The following ABCA7 variants were observed in gnomAD, a reference collection of about 807,000 sequenced individuals.
ABCA7 encodes the protein ATP binding cassette subfamily A member 7.
ABCA7 carries 261 observed loss-of-function variants against 227.6 expected under a neutral mutation model. That is an observed-to-expected ratio of 1.15 (90% confidence interval 1.04 to 1.27). The LOEUF is 1.27. ABCA7 is among the 50% of genes most tolerant of loss of function. The probability of loss-of-function intolerance (pLI) is 0.00; values close to 1 mark genes in which losing one functional copy is unlikely to be tolerated. For missense variants in ABCA7, 3,331 were observed against 2,924.5 expected (o/e 1.14, Z -3.21); for synonymous variants, 1,488 against 1,279.7 (o/e 1.16, Z -3.47).
In ABCA7 at chr19:1,048,965, CA is replaced by C; in HGVS notation, c.2342del (p.Lys781ArgfsTer16). The C allele has an allele frequency of 6.2e-7, 1 of 1,608,914 alleles. No individual in the cohort carries two copies. The highest frequency in any genetic ancestry group is 8.5e-7 in the Non-Finnish European group (1 of 1,178,148). Reference sequence around the variant, plus strand: ...GCTACTGGTGCGGACCTCGGCCCCCCAAGAGTCCAGCCCCTTGCCCCACCCC... The same window carrying C: ...GCTACTGGTGCGGACCTCGGCCCCCCAGAGTCCAGCCCCTTGCCCCACCCC... ...RSYWCGPRPP[K>X]SPAPCPTPLD... On this transcript the variant is annotated frameshift_variant, in exon 17 of 47. Coordinates refer to ENST00000263094, the MANE Select transcript of ABCA7 (RefSeq NM_019112.4). LOFTEE classifies it high-confidence loss of function.
chr19:1,049,385 G>A lies in ABCA7; in HGVS notation c.2500G>A (p.Gly834Ser), dbSNP rs1286079840. ...GGGGCTCAGCCTGGACTTCTACCAGGGCCACATCACCGCCTTCCTGGGCCA... is the reference window on the plus strand; with the variant it reads ...GGGGCTCAGCCTGGACTTCTACCAGAGCCACATCACCGCCTTCCTGGGCCA... ...LRGLSLDFYQ[G>S]HITAFLGHNG... The change falls in exon 18 of 47, where the codon GGC becomes AGC. Residue 834 changes from glycine (G) to serine (S), a missense_variant. Gly to Ser is a moderately conservative substitution (Grantham distance 56). Transcript: ENST00000263094. The A allele has an allele frequency of 2.5e-6, 4 of 1,610,840 alleles. No individual in the cohort carries two copies. In the South Asian group the frequency reaches 4.4e-5, roughly 18 times the overall value.
chr19:1,044,883 G>A lies in ABCA7; in HGVS notation c.1216-119G>A, dbSNP rs2040456139. 3 of 1,470,910 alleles carry A rather than the reference G, an allele frequency of 2.0e-6. No homozygotes were observed. In the South Asian group the frequency reaches 3.9e-5, roughly 19 times the overall value. The allele number at this position is 1,470,910 out of a possible 1,614,324, so 91.1% of individuals were successfully genotyped here. On this transcript the variant is annotated intron_variant, in intron 11 of 46. Coordinates refer to ENST00000263094, the MANE Select transcript of ABCA7 (RefSeq NM_019112.4). ...GGATTTGTAGAGATCTCAGGAGGGAGCCGGCCGTGGGCCTACGAGGGGAAA... is the reference window on the plus strand; with the variant it reads ...GGATTTGTAGAGATCTCAGGAGGGAACCGGCCGTGGGCCTACGAGGGGAAA...
In ABCA7 at chr19:1,061,818, A is replaced by G. The variant is rs759823999; in HGVS notation, c.5500A>G (p.Thr1834Ala). 2.9e-5 allele frequency: 46 copies of G among 1,611,036 alleles called. No homozygotes were observed. Among genetic ancestry groups the G allele is most frequent in the East Asian group, 1.3e-4 (6 of 44,770 alleles). The stretch of plus-strand genomic sequence containing the variant: ...GCTGGGTGTGAATGGAGCAGGGAAG[A>G]CGTCCACGTTTCGCATGGTGACGGG... ...GLLGVNGAGK[T>A]STFRMVTGDT... is the part of the protein sequence containing the mutation. Residue 1834 changes from threonine to alanine, a missense_variant, in exon 41 of 47, where the codon ACG becomes GCG. Coordinates refer to ENST00000263094, the MANE Select transcript of ABCA7 (RefSeq NM_019112.4).
chr19:1,050,934 G>A lies in ABCA7; in HGVS notation c.2566G>A (p.Gly856Ser). 1 of 1,608,238 alleles carries A rather than the reference G, an allele frequency of 6.2e-7. No homozygotes were observed. The highest frequency in any genetic ancestry group is 1.3e-5 in the African/African-American group (1 of 74,928). The change falls in exon 19 of 47, where the codon GGC (glycine) becomes AGC (serine). Residue 856 changes from glycine (G) to serine (S), a missense_variant. Coordinates refer to ENST00000263094, the MANE Select transcript of ABCA7 (RefSeq NM_019112.4). The part of the protein sequence containing the change: ...GKTTTLSILS[G>S]LFPPSGGSAF... The stretch of plus-strand genomic sequence containing the variant: ...CTCTATCCACAGGTCCATCTTGAGT[G>A]GCCTCTTCCCACCCAGTGGTGGCTC...
At chr19:1,041,465 G>GCAGC (rs1174117032) in intron 2 of ABCA7, 38 bp downstream of exon 2, 2 of 1,613,510 alleles carry the variant, frequency 1.2e-6, no homozygotes, top group Admixed American at 3.3e-5. Context: ...GGGTGGGCAG[G>GCAGC]CAGCCCCCAC....
chr19:1,059,776 A>G (rs10403094), intron 40 of ABCA7, among the ~76,000 whole-genome samples: 16,275 of 151,380 alleles, frequency 0.11, 1,367 homozygotes, highest in African/African-American at 0.24. Flanking sequence ...ATTAGCCAGG[A>G]TGGTCTCGAT....
Position 1,054,561 on chromosome 19 carries a change from G to A in ABCA7, c.3727-9G>A. On this transcript the variant is annotated splice_polypyrimidine_tract_variant and intron_variant, in intron 27 of 46. Transcript: ENST00000263094. The surrounding 1 kb of genome is among the most constrained non-coding windows in gnomAD (Gnocchi z 4.8). The stretch of plus-strand genomic sequence containing the variant: ...GATGGAAGCAGCAGCTGATGGGCTG[G>A]TCCCCCAGATCGTGCTGCCTGCCCT... The A allele has an allele frequency of 6.2e-7, 1 of 1,606,904 alleles. No individual in the cohort carries two copies. The highest frequency in any genetic ancestry group is 1.1e-5 in the South Asian group (1 of 90,926).
intron 12 of ABCA7, 52 bp downstream of exon 12, chr19:1,045,283 G>C: frequency 1.3e-6 from 2 of 1,492,712 alleles, no homozygotes; most frequent in Non-Finnish European, 9.1e-7. Context: ...GGCCAAGAGC[G>C]TGGTGGGTGG....
Position 1,049,349 on chromosome 19 carries a change from C to A in ABCA7, c.2464C>A (p.Pro822Thr). Residue 822 changes from proline to threonine, a missense_variant, in exon 18 of 47, where the codon CCA becomes ACA. Transcript: ENST00000263094. ...LEKRFPGSPQ[P>T]ALRGLSLDFY... is the part of the protein sequence containing the mutation. Reference sequence around the variant, plus strand: ...GAAGCGCTTTCCTGGAAGCCCGCAGCCAGCCCTGCGGGGGCTCAGCCTGGA... The same window carrying A: ...GAAGCGCTTTCCTGGAAGCCCGCAGACAGCCCTGCGGGGGCTCAGCCTGGA... 6.2e-7 allele frequency: 1 copy of A among 1,611,612 alleles called. No individual in the cohort carries two copies. The highest frequency in any genetic ancestry group is 8.5e-7 in the Non-Finnish European group (1 of 1,179,248).
chr19:1,055,163 G>A lies in ABCA7; in HGVS notation c.4017G>A (p.Glu1339=). 1 of 1,612,764 alleles carries A rather than the reference G, an allele frequency of 6.2e-7. No individual in the cohort carries two copies. The highest frequency in any genetic ancestry group is 1.3e-5 in the African/African-American group (1 of 75,054). ...KVLASGNWTP[E]SPSPACQCSR... ...TGGCCAGTGGCAACTGGACCCCAGA[G>A]TCTCCATCCCCAGCCTGCCAGTGTA... is the stretch of plus-strand genomic sequence containing the variant. The change falls in exon 30 of 47, where the codon GAG becomes GAA. Residue 1339 remains glutamate, a synonymous_variant. Transcript: ENST00000263094.
intron 37 of ABCA7, 100 bp downstream of exon 37, chr19:1,058,369 G>A (rs2042428859): frequency 2.6e-6 from 4 of 1,515,374 alleles, no homozygotes; most frequent in South Asian, 1.3e-5. Flanking sequence ...GCCCCCCAGG[G>A]AGACAGCCAG....
At chr19:1,049,475 A>ACCG (rs1239887497) in intron 18 of ABCA7, 38 bp downstream of exon 18, 5 of 391,964 alleles carry the variant, frequency 1.3e-5, no homozygotes, top group Admixed American at 4.8e-4. Context: ...GAGCCCCCCC[A>ACCG]CTCCCACCCC....
In ABCA7 at chr19:1,045,250, C is replaced by CGG. The variant is rs558669686; in HGVS notation, c.1445+24_1445+25dup. The CGG allele has an allele frequency of 1.5e-5, 8 of 544,014 alleles. No homozygotes were observed. Among genetic ancestry groups the CGG allele is most frequent in the South Asian group, 6.6e-5 (3 of 45,436 alleles). 33.7% of individuals were successfully genotyped at this position (544,014 alleles called of 1,614,324 possible). On this transcript the variant is annotated intron_variant, in intron 12 of 46. Coordinates refer to ENST00000263094, the MANE Select transcript of ABCA7 (RefSeq NM_019112.4). ...GGGACAGGTCAGGCGAGGGAGGGGG[C>CGG]GGGGGGATGAGGGACTGGGCGGGGC...
chr19:1,043,066 A>G lies in ABCA7; in HGVS notation c.605A>G (p.Glu202Gly). Residue 202 changes from glutamate to glycine, a missense_variant, in exon 8 of 47, where the codon GAG (glutamate) becomes GGG (glycine). Coordinates refer to ENST00000263094, the MANE Select transcript of ABCA7 (RefSeq NM_019112.4). The stretch of plus-strand genomic sequence containing the variant: ...CTCCTGGCGCTGCGCAGCCTGGTGG[A>G]GCTTCGGGCACTGCTGCAGAGACCC... ...QELLALRSLV[E>G]LRALLQRPRG... The G allele has an allele frequency of 6.2e-7, 1 of 1,607,888 alleles. No individual in the cohort carries two copies.
chr19:1,056,783 C>A lies in ABCA7; in HGVS notation c.4587-124C>A, dbSNP rs1430924058. 1 of 1,138,634 alleles carries A rather than the reference C, an allele frequency of 8.8e-7. No homozygotes were observed. The allele number at this position is 1,138,634 out of a possible 1,614,324, so 70.5% of individuals were successfully genotyped here. ...CCAGGCACCCTCATCCCTAAATTGC[C>A]CCTGCCATCTCTGCCACTGCTGACT... On this transcript the variant is annotated intron_variant, in intron 33 of 46. Coordinates refer to ENST00000263094, the MANE Select transcript of ABCA7 (RefSeq NM_019112.4). This position sits in a 1 kb window ranked among gnomAD's most constrained non-coding sequence, Gnocchi z 4.3.
chr19:1,060,207 A>ATATATATATATATATATATATATATAT, intron 40 of ABCA7, among the ~76,000 whole-genome samples: 1 of 96,768 alleles, frequency 1.0e-5, no homozygotes, highest in African/African-American at 3.5e-5. Flanking sequence ...ATATATATAT[A>ATATATATATATATATATATATATATAT]TTTTTTTTTC....
chr19:1,062,442 G>A, intron 42 of ABCA7, 129 bp downstream of exon 42: 2 of 1,435,928 alleles, frequency 1.4e-6, no homozygotes, highest in East Asian at 2.3e-5. Context: ...CCCAGACCGT[G>A]CTTCCTTCCC....
intron 40 of ABCA7, among the ~76,000 whole-genome samples, chr19:1,060,008 C>T (rs1474051581): frequency 6.6e-6 from 1 of 152,092 alleles, no homozygotes; most frequent in African/African-American, 2.4e-5. Flanking sequence ...ATTTATTGGA[C>T]CCCTATTGTA....
chr19:1,058,099 C>T (rs777202359), intron 36 of ABCA7, 40 bp downstream of exon 36: 6 of 1,613,832 alleles, frequency 3.7e-6, no homozygotes, highest in South Asian at 2.2e-5. Flanking sequence ...TGGGTTGGGT[C>T]GTTGGACTCA....
Sources: gnomAD v4.1 joint callset for allele counts (sites outside exome capture counted in the v4.1 genomes callset) on GRCh38, gnomAD v4.1.1 for gene constraint, Gnocchi (gnomAD v3.1) non-coding constraint, MANE v1.5 for transcripts, NCBI Gene and HGNC (gene_info 2026-07-23, HGNC 2026-07-21) for gene names.